Variants in MEMO1 observed in about 807,000 individuals in gnomAD.
The protein encoded by MEMO1 is protein MEMO1.
Under a neutral mutation model 45.2 loss-of-function variants are expected in MEMO1, and 6 were observed. The ratio of observed to expected loss-of-function variants is 0.13; its 90% CI spans 0.07 to 0.26. The LOEUF is 0.26. Ranked by LOEUF, MEMO1 falls within the 10% of genes least tolerant of loss-of-function variation. MEMO1 has a pLI of 1.00. For synonymous variants in MEMO1, 78 were observed against 124.3 expected, an observed-to-expected ratio of 0.63 and a Z score of 2.48; for missense variants, 184 against 370.5, an observed-to-expected ratio of 0.50 and a Z score of 4.13.
chr2:31,896,290 G>A (rs1677801674), intron 6 of MEMO1, among the ~76,000 whole-genome samples: 1 of 152,062 alleles, frequency 6.6e-6, no homozygotes, highest in Non-Finnish European at 1.5e-5. Context: ...CACACCATAT[G>A]CAAAACTTAA....
intron 2 of MEMO1, among the ~76,000 whole-genome samples, chr2:31,981,685 G>C (rs948077941): frequency 2.0e-5 from 3 of 152,126 alleles, no homozygotes; most frequent in African/African-American, 7.2e-5. Context: ...AAAAATTCAA[G>C]ACTTAACTTC....
At chr2:31,894,767 A>C (rs1677505612) in intron 6 of MEMO1, among the ~76,000 whole-genome samples, 1 of 152,172 alleles carries the variant, frequency 6.6e-6, no homozygotes, top group Non-Finnish European at 1.5e-5. Flanking sequence ...TAAAAAGTAA[A>C]AGAAACAAAC....
chr2:31,977,789 G>C (rs936264874), intron 2 of MEMO1, among the ~76,000 whole-genome samples: 1 of 152,106 alleles, frequency 6.6e-6, no homozygotes, highest in Non-Finnish European at 1.5e-5. Context: ...CTCCCAAAAT[G>C]ATGGGATTAC....
intron 3 of MEMO1, among the ~76,000 whole-genome samples, chr2:31,938,015 C>T (rs951014588): frequency 2.6e-5 from 4 of 152,046 alleles, no homozygotes; most frequent in African/African-American, 4.8e-5. Context: ...TATATCTCTG[C>T]GACACATACT....
intron 6 of MEMO1, among the ~76,000 whole-genome samples, chr2:31,892,846 G>C (rs923027941): frequency 5.9e-5 from 9 of 152,230 alleles, no homozygotes; most frequent in African/African-American, 2.2e-4. Flanking sequence ...CAGATTGACA[G>C]ATTTATGGAA....
chr2:31,944,068 T>C (rs938677410), intron 2 of MEMO1, among the ~76,000 whole-genome samples: 1 of 152,120 alleles, frequency 6.6e-6, no homozygotes, highest in Non-Finnish European at 1.5e-5. Flanking sequence ...GTGGCCTCAC[T>C]CCTCTGCTCC....
chr2:31,952,885 T>A (rs1454260071), intron 2 of MEMO1, among the ~76,000 whole-genome samples: 1 of 152,172 alleles, frequency 6.6e-6, no homozygotes, highest in East Asian at 1.9e-4. Flanking sequence ...TTACATAACA[T>A]TCTAATATAA....
chr2:31,974,733 TCAGC>T (rs1164484985), intron 2 of MEMO1, among the ~76,000 whole-genome samples: 1 of 150,606 alleles, frequency 6.6e-6, no homozygotes, highest in Non-Finnish European at 1.5e-5. Context: ...CCATTGCACT[TCAGC>T]CTGGGCAACA....
intron 2 of MEMO1, among the ~76,000 whole-genome samples, chr2:31,973,454 G>A (rs754064708): frequency 6.6e-5 from 10 of 151,350 alleles, no homozygotes; most frequent in South Asian, 2.1e-4. Flanking sequence ...ACTCTGTCTC[G>A]GGAAGAGAAA....
At chr2:31,922,279 T>C (rs1039724143) in intron 4 of MEMO1, among the ~76,000 whole-genome samples, 2 of 151,846 alleles carry the variant, frequency 1.3e-5, no homozygotes, top group African/African-American at 2.4e-5. Flanking sequence ...CAATTATTGG[T>C]TATATGTTAC....
At chr2:31,973,251 C>T (rs568290332) in intron 2 of MEMO1, among the ~76,000 whole-genome samples, 1 of 152,000 alleles carries the variant, frequency 6.6e-6, no homozygotes, top group Non-Finnish European at 1.5e-5. Flanking sequence ...GTCAGGAGTT[C>T]GAGACCAGCC....
intron 2 of MEMO1, among the ~76,000 whole-genome samples, chr2:31,952,187 A>G (rs974718650): frequency 2.6e-5 from 4 of 152,234 alleles, no homozygotes; most frequent in Non-Finnish European, 5.9e-5. Context: ...TCGCCTTTAT[A>G]TAAACCTCAA....
At chr2:31,891,945 C>G (rs1320734758) in intron 7 of MEMO1, 47 bp downstream of exon 7, 2 of 1,526,058 alleles carry the variant, frequency 1.3e-6, no homozygotes, top group Non-Finnish European at 1.8e-6. Flanking sequence ...TACCTTTAAC[C>G]AGAAGTATAT....
intron 2 of MEMO1, among the ~76,000 whole-genome samples, chr2:31,990,762 G>A (rs1403761148): frequency 2.0e-5 from 3 of 151,704 alleles, no homozygotes; most frequent in African/African-American, 7.3e-5. Flanking sequence ...GATATCTAGT[G>A]ATATACATAA....
chr2:31,893,800 T>C (rs1677307967), intron 6 of MEMO1, among the ~76,000 whole-genome samples: 1 of 152,196 alleles, frequency 6.6e-6, no homozygotes, highest in African/African-American at 2.4e-5. Flanking sequence ...ACATGTCTAC[T>C]CTCCACAAGA....
chr2:31,895,828 G>GA (rs1242077211), intron 6 of MEMO1, among the ~76,000 whole-genome samples: 86 of 117,654 alleles, frequency 7.3e-4, no homozygotes, highest in African/African-American at 2.3e-3. Context: ...CAAAACACAA[G>GA]AAAAAAATCT....
chr2:31,873,037 T>C (rs1189931706), intron 8 of MEMO1, among the ~76,000 whole-genome samples: 1 of 152,184 alleles, frequency 6.6e-6, no homozygotes. Context: ...ATAGAAATGC[T>C]AGTTCAATGC....
chr2:31,902,725 C>A (rs1679048798), intron 6 of MEMO1, among the ~76,000 whole-genome samples: 1 of 152,058 alleles, frequency 6.6e-6, no homozygotes, highest in South Asian at 2.1e-4. Context: ...CAAGAACCTC[C>A]CCCTCACATT....
chr2:31,935,011 T>C (rs1664746964), intron 3 of MEMO1, among the ~76,000 whole-genome samples: 1 of 152,200 alleles, frequency 6.6e-6, no homozygotes, highest in Admixed American at 6.5e-5. Flanking sequence ...ATAGTAACAT[T>C]TACTGACTAC....
Sources: allele counts gnomAD v4.1 joint callset (sites outside exome capture counted in the v4.1 genomes callset), GRCh38; gene constraint gnomAD v4.1.1; transcripts MANE v1.5; gene names NCBI Gene and HGNC (gene_info 2026-07-23, HGNC 2026-07-21).